Variants in SCFD2 observed in about 807,000 individuals in gnomAD.
The protein encoded by SCFD2 is sec1 family domain containing 2.
SCFD2 carries 54 observed loss-of-function variants against 58.9 expected under a neutral mutation model. The observed-to-expected ratio is 0.92, with a 90% CI of 0.74 to 1.15. The LOEUF is 1.15. Ranked by LOEUF, SCFD2 falls within the 50% of genes most tolerant of loss-of-function variation. The pLI is 0.00. For missense variants in SCFD2, 805 were observed against 836.6 expected (o/e 0.96, Z 0.47); for synonymous variants, 321 against 335.9 (o/e 0.96, Z 0.49).
chr4:53,245,526 G>A lies in SCFD2; in HGVS notation c.1311+28300C>T, dbSNP rs534597064. 2.6e-5 allele frequency among the ~76,000 whole-genome samples: 4 copies of A among 152,272 alleles called. No individual in the cohort carries two copies. In the South Asian group the frequency reaches 8.3e-4, roughly 32 times the overall value. On this transcript the variant is annotated intron_variant, in intron 4 of 8. Transcript: ENST00000401642. ...AAAAAACCACATGATCATCTCAATA[G>A]ATGTAGCATAGGCTTTCAATAAAAT...
At chr4:53,141,086 GA>G (rs921226276) in intron 5 of SCFD2, among the ~76,000 whole-genome samples, 25 of 151,624 alleles carry the variant, frequency 1.6e-4, no homozygotes, top group African/African-American at 5.1e-4. Context: ...TATAATTCTG[GA>G]AAAAAAATTT....
At chr4:53,081,551 TTAA>T (rs1399977293) in intron 5 of SCFD2, among the ~76,000 whole-genome samples, 1 of 152,184 alleles carries the variant, frequency 6.6e-6, no homozygotes, top group Admixed American at 6.6e-5. Context: ...CTTTTACCTT[TTAA>T]TAATAACTTA....
chr4:53,302,036 G>A lies in SCFD2; in HGVS notation c.1135+11600C>T, dbSNP rs372038155. Reference sequence around the variant, plus strand: ...AACTGGAAGCATTCCCTTTGAAAACGGGCACAAGACAGGGATGCCCTCTCT... The same window carrying A: ...AACTGGAAGCATTCCCTTTGAAAACAGGCACAAGACAGGGATGCCCTCTCT... On this transcript the variant is annotated intron_variant, in intron 3 of 8. Coordinates refer to ENST00000401642, the MANE Select transcript of SCFD2 (RefSeq NM_152540.4). Among the ~76,000 whole-genome samples the A allele has an allele frequency of 5.6e-4, 85 of 152,056 alleles. No homozygotes were observed. The South Asian group carries it at 0.016, about 29-fold the overall frequency.
intron 5 of SCFD2, among the ~76,000 whole-genome samples, chr4:52,972,596 T>C (rs1252551916): frequency 6.6e-6 from 1 of 152,064 alleles, no homozygotes; most frequent in Non-Finnish European, 1.5e-5. Context: ...CTGTCAACAT[T>C]AGACAGATCA....
At chr4:52,928,908 CA>C (rs5858193) in intron 5 of SCFD2, among the ~76,000 whole-genome samples, 43,307 of 151,818 alleles carry the variant, frequency 0.29, 7,318 homozygotes, top group East Asian at 0.53. Context: ...TAAATCAGAC[CA>C]AAAAAATGAC....
At chr4:52,980,714 C>A (rs1163406720) in intron 5 of SCFD2, among the ~76,000 whole-genome samples, 1 of 152,180 alleles carries the variant, frequency 6.6e-6, no homozygotes, top group Non-Finnish European at 1.5e-5. Flanking sequence ...CCAGAATCCT[C>A]TTCCTGGGAC....
At chr4:53,209,510 T>C (rs1728537342) in intron 4 of SCFD2, among the ~76,000 whole-genome samples, 1 of 152,108 alleles carries the variant, frequency 6.6e-6, no homozygotes, top group African/African-American at 2.4e-5. Flanking sequence ...TAATAGTGGG[T>C]CAGAAATTAT....
intron 2 of SCFD2, among the ~76,000 whole-genome samples, chr4:53,323,611 C>T (rs1373928879): frequency 6.8e-6 from 1 of 147,480 alleles, no homozygotes; most frequent in African/African-American, 2.5e-5. Flanking sequence ...TCTAACTAGG[C>T]TCAAGCCATC....
intron 5 of SCFD2, among the ~76,000 whole-genome samples, chr4:52,976,214 A>G (rs1560499489): frequency 6.6e-6 from 1 of 152,112 alleles, no homozygotes; most frequent in African/African-American, 2.4e-5. Flanking sequence ...TTCGTGTACA[A>G]ATTTGAAGGC....
At chr4:53,098,075 C>G (rs1447433561) in intron 5 of SCFD2, among the ~76,000 whole-genome samples, 1 of 152,184 alleles carries the variant, frequency 6.6e-6, no homozygotes, top group Non-Finnish European at 1.5e-5. Context: ...CCCACTTGAT[C>G]ATGGTGGATA....
chr4:53,344,879 G>A (rs1345912671), intron 2 of SCFD2, among the ~76,000 whole-genome samples: 1 of 152,140 alleles, frequency 6.6e-6, no homozygotes, highest in South Asian at 2.1e-4. Context: ...ATGGTGCTGG[G>A]ATAAGTGACT....
intron 5 of SCFD2, among the ~76,000 whole-genome samples, chr4:53,033,335 G>A (rs1483012029): frequency 6.6e-6 from 1 of 151,908 alleles, no homozygotes. Flanking sequence ...AGAGGGAAAT[G>A]TATAGCACCA....
intron 4 of SCFD2, among the ~76,000 whole-genome samples, chr4:53,166,832 C>CAAA (rs34996788): frequency 1.7e-5 from 2 of 118,816 alleles, no homozygotes; most frequent in South Asian, 2.8e-4. Flanking sequence ...AAATGCCCAC[C>CAAA]AAAAAAAAAA....
At position 53,249,625 on chromosome 4, in the gene SCFD2, G is replaced by C. The variant is rs536776607; in HGVS notation, c.1311+24201C>G. 4.6e-4 allele frequency among the ~76,000 whole-genome samples: 70 copies of C among 152,340 alleles called. 1 individual carries two copies. The South Asian group carries it at 0.014, about 31-fold the overall frequency. On this transcript the variant is annotated intron_variant, in intron 4 of 8. Coordinates refer to ENST00000401642, the MANE Select transcript of SCFD2 (RefSeq NM_152540.4). ...AGATCTCTCGGCAAAAACTCTACAA[G>C]CCAGAAGAGAGTGGGGGCCAATAAT...
At chr4:52,996,204 G>C (rs1560505123) in intron 5 of SCFD2, among the ~76,000 whole-genome samples, 1 of 152,202 alleles carries the variant, frequency 6.6e-6, no homozygotes, top group African/African-American at 2.4e-5. Flanking sequence ...TGCTGAAAGA[G>C]ACAGGGGGAT....
intron 4 of SCFD2, among the ~76,000 whole-genome samples, chr4:53,225,346 C>T (rs1729172195): frequency 6.6e-6 from 1 of 152,088 alleles, no homozygotes; most frequent in South Asian, 2.1e-4. Flanking sequence ...TTTTTTATTA[C>T]TAGGAAAACT....
chr4:52,889,478 AG>A (rs1004906490), intron 7 of SCFD2, among the ~76,000 whole-genome samples: 3 of 152,206 alleles, frequency 2.0e-5, no homozygotes, highest in Non-Finnish European at 4.4e-5. Context: ...CATAGCTCTT[AG>A]GATAAAGTTC....
At chr4:52,947,307 C>T (rs547738184) in intron 5 of SCFD2, among the ~76,000 whole-genome samples, 18 of 152,232 alleles carry the variant, frequency 1.2e-4, no homozygotes, top group Admixed American at 2.6e-4. Context: ...GAGCGAGCTC[C>T]GGCCTTCATA....
At chr4:53,256,786 G>C (rs1402776214) in intron 4 of SCFD2, among the ~76,000 whole-genome samples, 2 of 151,484 alleles carry the variant, frequency 1.3e-5, no homozygotes, top group African/African-American at 4.9e-5. Flanking sequence ...AATCAGGCAG[G>C]GGGGTTGCAG....
Sources: gnomAD v4.1 joint callset for allele counts (sites outside exome capture counted in the v4.1 genomes callset) on GRCh38, gnomAD v4.1.1 for gene constraint, MANE v1.5 for transcripts, NCBI Gene and HGNC (gene_info 2026-07-23, HGNC 2026-07-21) for gene names.